The following LRP8 variants were observed in gnomAD, a reference collection of about 807,000 sequenced individuals.
LRP8 encodes the protein LDL receptor related protein 8.
LRP8 carries 46 observed loss-of-function variants against 111.6 expected under a neutral mutation model. That is an observed-to-expected ratio of 0.41 (90% CI 0.33 to 0.53). The LOEUF is 0.53. Ranked by LOEUF, LRP8 falls within the 20% of genes least tolerant of loss-of-function variation. The pLI, the probability that LRP8 is intolerant of heterozygous loss-of-function variation, is 0.20. For missense variants in LRP8, 959 were observed against 1,297.4 expected (o/e 0.74, Z 4.01); for synonymous variants, 464 against 511.2 (o/e 0.91, Z 1.24).
intron 13 of LRP8, 111 bp from the exon 14 acceptor site, chr1:53,258,582 C>CT (rs375848745): frequency 8.3e-4 from 776 of 932,432 alleles, no homozygotes; most frequent in South Asian, 1.1e-3. Context: ...TTGCCCTATA[C>CT]TTTTTTTTTC....
intron 2 of LRP8, among the ~76,000 whole-genome samples, chr1:53,300,382 G>A (rs902854418): frequency 1.3e-5 from 2 of 152,218 alleles, no homozygotes; most frequent in African/African-American, 4.8e-5. Flanking sequence ...CTCTGACAGA[G>A]CAGAAATGAG....
chr1:53,300,515 A>G (rs1016879338), intron 2 of LRP8, among the ~76,000 whole-genome samples: 1 of 152,230 alleles, frequency 6.6e-6, no homozygotes, highest in Non-Finnish European at 1.5e-5. Flanking sequence ...GGCAGTGCCT[A>G]CGGGAAGCCC....
intron 2 of LRP8, among the ~76,000 whole-genome samples, chr1:53,308,862 T>A (rs1288487): frequency 1.3e-5 from 2 of 152,036 alleles, no homozygotes; most frequent in Admixed American, 6.5e-5. Context: ...AGAGACCCGC[T>A]TTTAAATCCT....
intron 2 of LRP8, chr1:53,305,894 C>G (rs1198048512): frequency 6.6e-6 from 1 of 152,362 alleles, no homozygotes; most frequent in African/African-American, 2.4e-5. Flanking sequence ...GCCACCCACT[C>G]CAGGGTGAAC....
chr1:53,310,345 C>G (rs1652764958), intron 2 of LRP8, among the ~76,000 whole-genome samples: 1 of 152,192 alleles, frequency 6.6e-6, no homozygotes, highest in African/African-American at 2.4e-5. Flanking sequence ...CAGCCCACCC[C>G]AGCCCACCTC....
At chr1:53,323,116 A>AAG (rs1362349874) in intron 2 of LRP8, among the ~76,000 whole-genome samples, 1 of 152,126 alleles carries the variant, frequency 6.6e-6, no homozygotes, top group Non-Finnish European at 1.5e-5. Flanking sequence ...ATGTCATCTC[A>AAG]AGACAGGGAA....
At chr1:53,316,453 A>T (rs1382684393) in intron 2 of LRP8, among the ~76,000 whole-genome samples, 1 of 152,210 alleles carries the variant, frequency 6.6e-6, no homozygotes, top group Non-Finnish European at 1.5e-5. Context: ...CCTCCAGTAG[A>T]TGTAGGCTCT....
At chr1:53,312,568 G>C (rs1653200241) in intron 2 of LRP8, among the ~76,000 whole-genome samples, 1 of 151,552 alleles carries the variant, frequency 6.6e-6, no homozygotes, top group Admixed American at 6.6e-5. Flanking sequence ...ATGTTGCCCA[G>C]GCTGGCCTTG....
At chr1:53,274,729 C>G (rs1161443760) in intron 6 of LRP8, 10 of 456,180 alleles carry the variant, frequency 2.2e-5, no homozygotes, top group African/African-American at 4.0e-5. Context: ...CCGACCAGTC[C>G]CGGCAGTCCC....
At chr1:53,287,826 A>G (rs1048953302) in intron 3 of LRP8, among the ~76,000 whole-genome samples, 5 of 152,042 alleles carry the variant, frequency 3.3e-5, no homozygotes, top group African/African-American at 1.2e-4. Flanking sequence ...ACAGAGGGAC[A>G]CATGAGTAGG....
At chr1:53,264,790 C>T (rs1646490178) in intron 9 of LRP8, among the ~76,000 whole-genome samples, 1 of 152,140 alleles carries the variant, frequency 6.6e-6, no homozygotes, top group Non-Finnish European at 1.5e-5. Flanking sequence ...GACAGAAAGC[C>T]ATTAGGGAAC....
chr1:53,288,785 A>C (rs1250808646), intron 3 of LRP8, among the ~76,000 whole-genome samples: 2 of 152,068 alleles, frequency 1.3e-5, no homozygotes, highest in Non-Finnish European at 2.9e-5. Flanking sequence ...CTGCCTCTGG[A>C]CTGCTGGGTC....
At chr1:53,289,218 C>T (rs1391077629) in intron 3 of LRP8, 2 of 199,106 alleles carry the variant, frequency 1.0e-5, no homozygotes, top group African/African-American at 2.3e-5. Flanking sequence ...GCTTAAGAAG[C>T]ACCAGCTGCC....
chr1:53,257,991 A>T (rs564618170), intron 14 of LRP8: 8 of 222,850 alleles, frequency 3.6e-5, no homozygotes, highest in Non-Finnish European at 6.3e-5. Flanking sequence ...AGGCAAATAT[A>T]TAGTTATCTG....
At position 53,262,544 on chromosome 1, in the gene LRP8, C is replaced by G. The variant is rs753827442; in HGVS notation, c.1676G>C (p.Trp559Ser). ...PLRGFMYWSD[W>S]GDQAKIEKSG... ...TTTCTCAATCTTGGCCTGGTCCCCC[C>G]AGTCAGACCAATACATGAACCTAAA... Residue 559 changes from tryptophan to serine, a missense_variant, in exon 11 of 19, where the codon TGG becomes TCG. Around this residue, in one of 3 missense-constraint regions of LRP8, gnomAD observed 819 missense variants for 1,097.6 expected, o/e 0.75. Transcript: ENST00000306052. This position sits in a 1 kb window ranked among gnomAD's most constrained non-coding sequence, Gnocchi z 4.8. The G allele has an allele frequency of 9.9e-6, 16 of 1,614,074 alleles. No individual in the cohort carries two copies. The highest frequency in any genetic ancestry group is 9.9e-5 in the South Asian group (9 of 91,082).
chr1:53,318,663 T>G (rs1208715811), intron 2 of LRP8, among the ~76,000 whole-genome samples: 1 of 151,462 alleles, frequency 6.6e-6, no homozygotes, highest in African/African-American at 2.4e-5. Context: ...AAAATGTCAT[T>G]AAATTATGGA....
At chr1:53,264,496 G>T in intron 9 of LRP8, 100 bp from the exon 10 acceptor site, 1 of 924,080 alleles carries the variant, frequency 1.1e-6, no homozygotes, top group Non-Finnish European at 1.7e-6. Context: ...CTGGGCCATG[G>T]CAATAGATTT....
rs772374132 is a variant in LRP8, at chr1:53,262,586, T to C, written c.1656-22A>G. The C allele has an allele frequency of 1.6e-5, 25 of 1,598,892 alleles. No individual in the cohort carries two copies. The highest frequency in any genetic ancestry group is 5.0e-5 in the Admixed American group (3 of 59,966). ...GAACCTAAAAGACAAAATAACCCAATTTGCCTTCTTGCTGGGGACATGACC... is the reference window on the plus strand; with the variant it reads ...GAACCTAAAAGACAAAATAACCCAACTTGCCTTCTTGCTGGGGACATGACC... On this transcript the variant is annotated intron_variant, in intron 10 of 18. Transcript: ENST00000306052. This position sits in a 1 kb window ranked among gnomAD's most constrained non-coding sequence, Gnocchi z 4.8.
intron 3 of LRP8, among the ~76,000 whole-genome samples, chr1:53,285,546 A>G (rs1028862494): frequency 1.3e-5 from 2 of 152,050 alleles, no homozygotes; most frequent in Non-Finnish European, 2.9e-5. Context: ...GGGGTTGAAT[A>G]ATCTCCTAGG....
Sources: allele counts gnomAD v4.1 joint callset (sites outside exome capture counted in the v4.1 genomes callset), GRCh38; gene constraint gnomAD v4.1.1; regional missense constraint gnomAD v4.1.1; non-coding constraint Gnocchi (gnomAD v3.1); transcripts MANE v1.5; gene names NCBI Gene and HGNC (gene_info 2026-07-23, HGNC 2026-07-21).